JDP2: variants seen among roughly 807,000 people sequenced by gnomAD.
JDP2 encodes the protein Jun dimerization protein 2, also known as progesterone receptor co-activator.
In JDP2, 9 loss-of-function variants were observed where a neutral mutation model predicts 17.1. That is an observed-to-expected ratio of 0.53 (90% CI 0.32 to 0.92). JDP2 has a LOEUF of 0.92. Ranked by LOEUF, JDP2 falls within the 40% of genes least tolerant of loss-of-function variation. The probability of loss-of-function intolerance (pLI) is 0.04; values close to 1 mark genes in which losing one functional copy is unlikely to be tolerated. For synonymous variants in JDP2, 107 were observed against 95.6 expected (o/e 1.12, Z -0.69); for missense variants, 179 against 220.0 (o/e 0.81, Z 1.18).
Position 75,457,456 on chromosome 14 carries a change from G to A in JDP2, c.202-3970G>A, listed in dbSNP as rs574082532. ...CTGCCAAATGCCTGTCTTGTTTCTGGTAGGGCCTTAACAGCTGTTTTCTAC... is the reference window on the plus strand; with the variant it reads ...CTGCCAAATGCCTGTCTTGTTTCTGATAGGGCCTTAACAGCTGTTTTCTAC... On this transcript the variant is annotated intron_variant, in intron 2 of 3. Transcript: ENST00000651602. 6.6e-5 allele frequency among the ~76,000 whole-genome samples: 10 copies of A among 152,386 alleles called. No homozygotes were observed. The South Asian group carries it at 2.1e-3, about 32-fold the overall frequency.
chr14:75,457,396 C>A (rs995072351), intron 2 of JDP2, among the ~76,000 whole-genome samples: 1 of 152,242 alleles, frequency 6.6e-6, no homozygotes, highest in African/African-American at 2.4e-5. Context: ...ATGGCACAGG[C>A]CATGTTAGCT....
In JDP2 at chr14:75,469,546, G is replaced by C; in HGVS notation, c.*71G>C. The C allele has an allele frequency of 7.7e-7, 1 of 1,305,296 alleles. No individual in the cohort carries two copies. Among genetic ancestry groups the C allele is most frequent in the Non-Finnish European group, 1.1e-6 (1 of 938,012 alleles). The allele number at this position is 1,305,296 out of a possible 1,614,324, so 80.9% of individuals were successfully genotyped here. On this transcript the variant is annotated 3_prime_UTR_variant, in exon 4 of 4. Coordinates refer to ENST00000651602, the MANE Select transcript of JDP2 (RefSeq NM_001135048.2). ...AGTGACGAAGAGAGAGGAGGAGGGG[G>C]GCCCCAGATGGCCCTTCCTTTGGTG... is the stretch of plus-strand genomic sequence containing the variant.
intron 1 of JDP2, among the ~76,000 whole-genome samples, chr14:75,433,544 G>T (rs1033250376): frequency 4.7e-5 from 6 of 127,734 alleles, no homozygotes; most frequent in African/African-American, 2.4e-4. Flanking sequence ...ACAGCTCTCA[G>T]ACCTTTTTTT....
intron 3 of JDP2, among the ~76,000 whole-genome samples, chr14:75,464,830 A>G (rs1478294998): frequency 6.6e-6 from 1 of 152,190 alleles, no homozygotes; most frequent in African/African-American, 2.4e-5. Context: ...GGGCTGCCTC[A>G]GTACATCCTC....
At chr14:75,442,413 G>GTCTT (rs966565091) in intron 2 of JDP2, among the ~76,000 whole-genome samples, 2 of 152,092 alleles carry the variant, frequency 1.3e-5, no homozygotes, top group African/African-American at 4.8e-5. Flanking sequence ...ACTCACTGAT[G>GTCTT]TCTTACCCCC....
chr14:75,458,535 G>A (rs1305700371), intron 2 of JDP2, among the ~76,000 whole-genome samples: 2 of 152,142 alleles, frequency 1.3e-5, no homozygotes, highest in Non-Finnish European at 2.9e-5. Context: ...ATTCTATTGT[G>A]TAATATGTAC....
chr14:75,447,276 T>C (rs530317649), intron 2 of JDP2, among the ~76,000 whole-genome samples: 63 of 152,324 alleles, frequency 4.1e-4, no homozygotes, highest in African/African-American at 1.3e-3. Flanking sequence ...AGGTCAGAAG[T>C]CATACACAAG....
intron 3 of JDP2, among the ~76,000 whole-genome samples, chr14:75,468,483 C>A (rs1384025941): frequency 6.6e-6 from 1 of 151,928 alleles, no homozygotes; most frequent in Non-Finnish European, 1.5e-5. Context: ...ATCCCCCAAG[C>A]CTTGAATCGA....
At chr14:75,468,775 C>T (rs1425562046) in intron 3 of JDP2, among the ~76,000 whole-genome samples, 1 of 152,238 alleles carries the variant, frequency 6.6e-6, no homozygotes, top group Non-Finnish European at 1.5e-5. Flanking sequence ...AATGACATGA[C>T]TACACTACAC....
At chr14:75,433,064 G>A (rs150677762) in intron 1 of JDP2, among the ~76,000 whole-genome samples, 13 of 151,418 alleles carry the variant, frequency 8.6e-5, no homozygotes, top group African/African-American at 2.2e-4. Context: ...GCATGGTGGC[G>A]CATGCCTGTA....
chr14:75,447,824 A>AT (rs1200473744), intron 2 of JDP2, among the ~76,000 whole-genome samples: 2 of 151,942 alleles, frequency 1.3e-5, no homozygotes, highest in Admixed American at 6.5e-5. Context: ...TGCCTGGCTA[A>AT]TTTTTGTATT....
chr14:75,445,528 G>A (rs1885558239), intron 2 of JDP2: 1 of 985,332 alleles, frequency 1.0e-6, no homozygotes, highest in South Asian at 4.7e-5. Context: ...TGGAGGCAAT[G>A]TAGCAAAGCA....
At position 75,461,581 on chromosome 14, in the gene JDP2, G is replaced by C. The variant is rs1232199567; in HGVS notation, c.306+51G>C. The C allele has an allele frequency of 5.1e-6, 7 of 1,377,412 alleles. No individual in the cohort carries two copies. In the East Asian group the frequency reaches 1.4e-4, roughly 28 times the overall value. 85.3% of individuals were successfully genotyped at this position (1,377,412 alleles called of 1,614,324 possible). On this transcript the variant is annotated intron_variant, in intron 3 of 3. Transcript: ENST00000651602. ...GCCTGCCATTCCTTGGAGTGAGCTTGTGTACTCTGGACCAGGAGAGGCCAT... is the reference window on the plus strand; with the variant it reads ...GCCTGCCATTCCTTGGAGTGAGCTTCTGTACTCTGGACCAGGAGAGGCCAT...
chr14:75,435,065 A>G (rs1012819646), intron 1 of JDP2, among the ~76,000 whole-genome samples: 10 of 152,214 alleles, frequency 6.6e-5, no homozygotes, highest in South Asian at 2.1e-4. Context: ...GCGTGGCCAC[A>G]TGGTTTGTTC....
chr14:75,431,137 G>A (rs1371566256), intron 1 of JDP2, among the ~76,000 whole-genome samples: 17 of 152,342 alleles, frequency 1.1e-4, no homozygotes, highest in Non-Finnish European at 1.6e-4. Flanking sequence ...ACCAGAGCTG[G>A]CGTGAAGTAG....
chr14:75,455,113 C>T (rs1886043054), intron 2 of JDP2, among the ~76,000 whole-genome samples: 2 of 152,110 alleles, frequency 1.3e-5, no homozygotes, highest in African/African-American at 4.8e-5. Context: ...TTAATCGGCT[C>T]CAGGGCAAAC....
Position 75,469,509 on chromosome 14 carries a change from A to T in JDP2, c.*34A>T. 2 of 1,598,164 alleles carry T rather than the reference A, an allele frequency of 1.3e-6. No individual in the cohort carries two copies. Among genetic ancestry groups the T allele is most frequent in the Non-Finnish European group, 1.7e-6 (2 of 1,171,622 alleles). The stretch of plus-strand genomic sequence containing the variant: ...TGGGAGGAGGTGGAGGAGGAGGAAG[A>T]GGAGAAGGAAAAGTGACGAAGAGAG... On this transcript the variant is annotated 3_prime_UTR_variant, in exon 4 of 4. Transcript: ENST00000651602.
At chr14:75,459,610 G>T (rs1420140678) in intron 2 of JDP2, among the ~76,000 whole-genome samples, 1 of 152,212 alleles carries the variant, frequency 6.6e-6, no homozygotes, top group African/African-American at 2.4e-5. Context: ...TTATTTTCCT[G>T]GCCTATAGCC....
rs61110540 is a variant in JDP2 at position 75,454,610 on chromosome 14, G to A, written c.202-6816G>A. On this transcript the variant is annotated intron_variant, in intron 2 of 3. Coordinates refer to ENST00000651602, the MANE Select transcript of JDP2 (RefSeq NM_001135048.2). ...GGTTCTCATGGGAAACTGACAACGGGCAGGCAAACATGCATGTGAAAAAGA... is the reference window on the plus strand; with the variant it reads ...GGTTCTCATGGGAAACTGACAACGGACAGGCAAACATGCATGTGAAAAAGA... Among the ~76,000 whole-genome samples the A allele has an allele frequency of 1.8e-3, 278 of 152,294 alleles. 1 individual carries two copies. The highest frequency in any genetic ancestry group is 6.6e-3 in the African/African-American group (273 of 41,544).
Sources: gnomAD v4.1 joint callset for allele counts (sites outside exome capture counted in the v4.1 genomes callset) on GRCh38, gnomAD v4.1.1 for gene constraint, MANE v1.5 for transcripts, NCBI Gene and HGNC (gene_info 2026-07-23, HGNC 2026-07-21) for gene names.